Variants in VARS2 observed in about 807,000 individuals in gnomAD.
VARS2 encodes the protein valyl-tRNA synthetase 2, mitochondrial, also known as valine--tRNA ligase, mitochondrial.
VARS2 carries 105 observed loss-of-function variants against 154.1 expected under a neutral mutation model. The ratio of observed to expected loss-of-function variants is 0.68; its 90% CI spans 0.58 to 0.80. The LOEUF (loss-of-function observed/expected upper bound fraction) is 0.80, where lower values mean the gene tolerates loss of function less well. Among genes scored for constraint, VARS2 ranks in the 30% least tolerant of loss-of-function variants. The pLI is 0.00. For missense variants in VARS2, 1,157 were observed against 1,361.4 expected (o/e 0.85, Z 2.36); for synonymous variants, 483 against 539.5 (o/e 0.90, Z 1.45).
In VARS2 at chr6:30,916,360, ACTTCC is replaced by A; in HGVS notation, c.671+112_671+116del. On this transcript the variant is annotated intron_variant, in intron 7 of 29. Coordinates refer to ENST00000676266, the MANE Select transcript of VARS2 (RefSeq NM_020442.6). The surrounding 1 kb of genome is among the most constrained non-coding windows in gnomAD (Gnocchi z 4.0). The stretch of plus-strand genomic sequence containing the variant: ...CTTGGCTCTTCCCGACACAGCTCTG[ACTTCC>A]TCAGAGATGGAAGCTCTGGAGCCTG... The A allele has an allele frequency of 1.1e-6, 1 of 924,316 alleles. No individual in the cohort carries two copies. Among genetic ancestry groups the A allele is most frequent in the Non-Finnish European group, 1.6e-6 (1 of 621,670 alleles). The allele number at this position is 924,316 out of a possible 1,614,324, so 57.3% of individuals were successfully genotyped here.
Position 30,916,271 on chromosome 6 carries a change from C to T in VARS2, c.671+22C>T, listed in dbSNP as rs752774618. On this transcript the variant is annotated intron_variant, in intron 7 of 29. Transcript: ENST00000676266. This position sits in a 1 kb window ranked among gnomAD's most constrained non-coding sequence, Gnocchi z 4.0. Reference sequence around the variant, plus strand: ...AGGCGTGAGTATGATGGGCAGGACTCGGGGGGCCCAGATGGCAGATTTGGT... The same window carrying T: ...AGGCGTGAGTATGATGGGCAGGACTTGGGGGGCCCAGATGGCAGATTTGGT... 1.1e-5 allele frequency: 18 copies of T among 1,591,040 alleles called. No homozygotes were observed. Among genetic ancestry groups the T allele is most frequent in the South Asian group, 4.5e-5 (4 of 88,620 alleles).
intron 10 of VARS2, 148 bp from the exon 11 acceptor site, chr6:30,918,679 C>G: frequency 5.3e-6 from 3 of 569,020 alleles, no homozygotes; most frequent in African/African-American, 2.0e-5. Context: ...AAACACTGCT[C>G]CTACTTTTTT....
In VARS2 at chr6:30,920,030, A is replaced by T; in HGVS notation, c.1166-59A>T. 1.4e-6 allele frequency: 1 copy of T among 696,258 alleles called. No homozygotes were observed. The highest frequency in any genetic ancestry group is 1.9e-6 in the Non-Finnish European group (1 of 536,138). 43.1% of individuals were successfully genotyped at this position (696,258 alleles called of 1,614,324 possible). On this transcript the variant is annotated intron_variant, in intron 12 of 29. Transcript: ENST00000676266. This position sits in a 1 kb window ranked among gnomAD's most constrained non-coding sequence, Gnocchi z 4.6. ...GGGGCGGTGCAGGTGATGATGATAC[A>T]TCTGGAAAAGCAAAAGCCAAGGTCA...
At position 30,923,498 on chromosome 6, in the gene VARS2, T is replaced by G. The variant is rs1210687588; in HGVS notation, c.2459T>G (p.Val820Gly). 6.2e-7 allele frequency: 1 copy of G among 1,609,618 alleles called. No individual in the cohort carries two copies. The highest frequency in any genetic ancestry group is 1.1e-5 in the South Asian group (1 of 91,054). ...HHFWLHNLCD[V>G]YLEAVKPVLW... Reference sequence around the variant, plus strand: ...TTCTGGCTTCACAACCTCTGTGACGTCTACCTGGTGAGTGAGGCTGGGGGA... The same window carrying G: ...TTCTGGCTTCACAACCTCTGTGACGGCTACCTGGTGAGTGAGGCTGGGGGA... The change falls in exon 25 of 30, where the codon GTC becomes GGC. Residue 820 changes from valine to glycine, a missense_variant. Transcript: ENST00000676266.
At position 30,920,713 on chromosome 6, in the gene VARS2, T is replaced by G; in HGVS notation, c.1443T>G (p.Phe481Leu). 6.2e-7 allele frequency: 1 copy of G among 1,602,774 alleles called. No individual in the cohort carries two copies. Among genetic ancestry groups the G allele is most frequent in the Admixed American group, 1.7e-5 (1 of 58,478 alleles). The change falls in exon 15 of 30, where the codon TTT becomes TTG. Residue 481 changes from phenylalanine (F) to leucine (L), a missense_variant. By Grantham distance (22) the Phe-to-Leu change is conservative (BLOSUM62 0). Coordinates refer to ENST00000676266, the MANE Select transcript of VARS2 (RefSeq NM_020442.6). This position sits in a 1 kb window ranked among gnomAD's most constrained non-coding sequence, Gnocchi z 4.6. The stretch of plus-strand genomic sequence containing the variant: ...AATACCTGCTGAAGAACCAGTGGTT[T>G]GTCCGCTGCCAGGAAATGGGGGCCC... ...VIEYLLKNQW[F>L]VRCQEMGARA...
At position 30,921,698 on chromosome 6, in the gene VARS2, G is replaced by A; in HGVS notation, c.1735+7G>A. On this transcript the variant is annotated splice_region_variant and intron_variant, in intron 18 of 29. Transcript: ENST00000676266. The surrounding 1 kb of genome is among the most constrained non-coding windows in gnomAD (Gnocchi z 4.6). ...GAGCTGACCCTGGAGAGGGGTGAGT[G>A]CCTGAGCTGGGGAGGGATGTACAGG... 6.3e-7 allele frequency: 1 copy of A among 1,597,712 alleles called. No homozygotes were observed. Among genetic ancestry groups the A allele is most frequent in the East Asian group, 2.2e-5 (1 of 44,496 alleles).
At chr6:30,918,499 G>A (rs1265783042) in intron 10 of VARS2, among the ~76,000 whole-genome samples, 2 of 152,172 alleles carry the variant, frequency 1.3e-5, no homozygotes, top group Non-Finnish European at 2.9e-5. Flanking sequence ...TTTGTGATTA[G>A]GACACTGAGA....
In VARS2 at chr6:30,921,992, A is replaced by G; in HGVS notation, c.1803A>G (p.Gln601=). The G allele has an allele frequency of 6.2e-7, 1 of 1,612,900 alleles. No individual in the cohort carries two copies. ...LFPFSALGWP[Q]ETPDLARFYP... is the part of the protein sequence containing the mutation. ...CCTTTTCTGCCCTGGGCTGGCCCCA[A>G]GAGGTGAGGTGGGTTGAGAGGGCGA... is the stretch of plus-strand genomic sequence containing the variant. The change falls in exon 19 of 30, where the codon CAA becomes CAG. Residue 601 remains glutamine, a synonymous_variant. Coordinates refer to ENST00000676266, the MANE Select transcript of VARS2 (RefSeq NM_020442.6). The surrounding 1 kb of genome is among the most constrained non-coding windows in gnomAD (Gnocchi z 4.6).
At position 30,917,892 on chromosome 6, in the gene VARS2, A is replaced by G; in HGVS notation, c.985+86A>G. 3 of 1,338,246 alleles carry G rather than the reference A, an allele frequency of 2.2e-6. No homozygotes were observed. Among genetic ancestry groups the G allele is most frequent in the Non-Finnish European group, 2.1e-6 (2 of 958,454 alleles). The allele number at this position is 1,338,246 out of a possible 1,614,324, so 82.9% of individuals were successfully genotyped here. On this transcript the variant is annotated intron_variant, in intron 10 of 29. Transcript: ENST00000676266. This position sits in a 1 kb window ranked among gnomAD's most constrained non-coding sequence, Gnocchi z 4.4. ...CATGTTGGGCTGCTAGGAACCCATC[A>G]GTCCATCTCTCACATGTACCTTGGT...
chr6:30,922,443 C>G lies in VARS2; in HGVS notation c.1933-7C>G, dbSNP rs1039137173. On this transcript the variant is annotated splice_region_variant and splice_polypyrimidine_tract_variant and intron_variant, in intron 20 of 29. Transcript: ENST00000676266. ...ACCCCCCTCTGTTGACCCCTCCCTG[C>G]CCCCAGGTGCTTCTTCATCCCATGG... The G allele has an allele frequency of 6.2e-7, 1 of 1,607,066 alleles. No homozygotes were observed. Among genetic ancestry groups the G allele is most frequent in the Admixed American group, 1.7e-5 (1 of 58,910 alleles).
rs200841762 is a variant in VARS2 at position 30,916,214 on chromosome 6, G to A, written c.636G>A (p.Glu212=). ...TGAGGAGACATGAGCTGAGCCGGGA[G>A]GCCTTCCTTAGGGAGGTGTGGCAGT... is the stretch of plus-strand genomic sequence containing the variant. ...RGVRRHELSR[E]AFLREVWQWK... Residue 212 remains glutamate, a synonymous_variant, in exon 7 of 30, where the codon GAG becomes GAA. Coordinates refer to ENST00000676266, the MANE Select transcript of VARS2 (RefSeq NM_020442.6). This position sits in a 1 kb window ranked among gnomAD's most constrained non-coding sequence, Gnocchi z 4.0. 5.3e-5 allele frequency: 86 copies of A among 1,613,800 alleles called. 1 individual carries two copies. The Admixed American group carries it at 8.0e-4, about 15-fold the overall frequency.
chr6:30,923,087 C>T lies in VARS2; in HGVS notation c.2186-17C>T. On this transcript the variant is annotated splice_polypyrimidine_tract_variant and intron_variant, in intron 23 of 29. Transcript: ENST00000676266. ...GCTGCCACCTACATGCAGACTACCT[C>T]GATTCTTCCCTTCCAGCGGGCGACT... 7.4e-6 allele frequency: 12 copies of T among 1,612,618 alleles called. No homozygotes were observed. The highest frequency in any genetic ancestry group is 2.2e-5 in the South Asian group (2 of 91,044).
intron 4 of VARS2, 75 bp downstream of exon 4, chr6:30,915,530 G>A (rs539036441): frequency 6.7e-7 from 1 of 1,500,504 alleles, no homozygotes; most frequent in African/African-American, 1.4e-5. Context: ...GGACCTCAGA[G>A]TTGAGCTCAC....
At position 30,914,355 on chromosome 6, in the gene VARS2, G is replaced by T. The variant is rs1793999565; in HGVS notation, c.-28+11G>T. 1 of 1,242,804 alleles carries T rather than the reference G, an allele frequency of 8.0e-7. No individual in the cohort carries two copies. The highest frequency in any genetic ancestry group is 1.0e-6 in the Non-Finnish European group (1 of 993,816). The allele number at this position is 1,242,804 out of a possible 1,614,324, so 77.0% of individuals were successfully genotyped here. ...CGGCGGGGCCTCCTGGTGAGCGCGC[G>T]CCGGGGCGGCCTCCGGGAAGTGGGA... is the stretch of plus-strand genomic sequence containing the variant. On this transcript the variant is annotated intron_variant, in intron 1 of 29. Transcript: ENST00000676266.
intron 1 of VARS2, 162 bp from the exon 2 acceptor site, chr6:30,914,648 C>T: frequency 1.9e-6 from 2 of 1,047,222 alleles, no homozygotes; most frequent in South Asian, 1.7e-5. Flanking sequence ...CGCTGTCTGT[C>T]GATACCATGC....
chr6:30,914,621 T>C, intron 1 of VARS2, 189 bp from the exon 2 acceptor site: 1 of 1,126,974 alleles, frequency 8.9e-7, no homozygotes. Flanking sequence ...AGAGCCCTGA[T>C]ATCCGTGGCT....
At chr6:30,924,669 T>G in intron 26 of VARS2, 109 bp downstream of exon 26, 1 of 649,858 alleles carries the variant, frequency 1.5e-6, no homozygotes, top group Non-Finnish European at 2.6e-6. Context: ...TACTTTACTG[T>G]GGAGCCCTGG....
intron 1 of VARS2, 23 bp downstream of exon 1, chr6:30,914,367 T>C (rs1794001063): frequency 1.6e-6 from 2 of 1,247,192 alleles, no homozygotes; most frequent in Non-Finnish European, 2.0e-6. Flanking sequence ...CGGGGCGGCC[T>C]CCGGGAAGTG....
In VARS2 at chr6:30,922,887, T is replaced by C. The variant is rs1334152828; in HGVS notation, c.2107-11T>C. On this transcript the variant is annotated splice_polypyrimidine_tract_variant and intron_variant, in intron 22 of 29. Coordinates refer to ENST00000676266, the MANE Select transcript of VARS2 (RefSeq NM_020442.6). ...AGGCATCTGCCACCCTTCTTCTTCC[T>C]CTGGTTGCAGAAAAAGGACTTTCCT... The C allele has an allele frequency of 6.3e-7, 1 of 1,596,736 alleles. No homozygotes were observed. Among genetic ancestry groups the C allele is most frequent in the South Asian group, 1.1e-5 (1 of 88,740 alleles).
Sources: allele counts gnomAD v4.1 joint callset (sites outside exome capture counted in the v4.1 genomes callset), GRCh38; gene constraint gnomAD v4.1.1; non-coding constraint Gnocchi (gnomAD v3.1); transcripts MANE v1.5; gene names NCBI Gene and HGNC (gene_info 2026-07-23, HGNC 2026-07-21).